MDGA2: variants seen among roughly 807,000 people sequenced by gnomAD.
MDGA2 encodes MAM domain containing glycosylphosphatidylinositol anchor 2.
MDGA2 carries 40 observed loss-of-function variants against 117.8 expected under a neutral mutation model. The observed-to-expected ratio is 0.34, with a 90% CI of 0.26 to 0.44. The LOEUF (loss-of-function observed/expected upper bound fraction) is 0.44, where lower values mean the gene tolerates loss of function less well. Ranked by LOEUF, MDGA2 falls within the 20% of genes least tolerant of loss-of-function variation. MDGA2 has a pLI of 1.00. For synonymous variants in MDGA2, 452 were observed against 439.0 expected (o/e 1.03, Z -0.37); for missense variants, 1,123 against 1,250.6 (o/e 0.90, Z 1.54).
chr14:46,975,476 G>T (rs1886420673), intron 8 of MDGA2, among the ~76,000 whole-genome samples: 1 of 152,064 alleles, frequency 6.6e-6, no homozygotes, highest in South Asian at 2.1e-4. Flanking sequence ...TAAGCAAAAT[G>T]AGGTCTATGC....
intron 2 of MDGA2, among the ~76,000 whole-genome samples, chr14:47,297,552 A>G (rs1889120427): frequency 6.6e-6 from 1 of 151,606 alleles, no homozygotes; most frequent in South Asian, 2.1e-4. Flanking sequence ...AGGGAAGGAA[A>G]GAAAAAGGGT....
At chr14:46,867,060 A>G (rs1457108809) in intron 14 of MDGA2, among the ~76,000 whole-genome samples, 1 of 152,182 alleles carries the variant, frequency 6.6e-6, no homozygotes, top group Non-Finnish European at 1.5e-5. Flanking sequence ...TCAAAGGACT[A>G]TAAATCATGC....
chr14:47,565,890 G>A (rs893869428), intron 1 of MDGA2, among the ~76,000 whole-genome samples: 19 of 152,170 alleles, frequency 1.2e-4, no homozygotes, highest in African/African-American at 2.9e-4. Context: ...ATGGGGGTGC[G>A]GATGTCCTTG....
At chr14:46,928,606 A>G (rs1884420794) in intron 9 of MDGA2, among the ~76,000 whole-genome samples, 1 of 152,124 alleles carries the variant, frequency 6.6e-6, no homozygotes, top group Non-Finnish European at 1.5e-5. Flanking sequence ...CTTTCTAGTG[A>G]CTCAGCATGC....
chr14:47,565,841 G>T (rs1895907209), intron 1 of MDGA2, among the ~76,000 whole-genome samples: 1 of 152,206 alleles, frequency 6.6e-6, no homozygotes, highest in African/African-American at 2.4e-5. Flanking sequence ...TTTCTGTCCA[G>T]GTGTTCGTGC....
chr14:46,874,267 G>T, intron 12 of MDGA2, 67 bp from the exon 13 acceptor site: 1 of 805,732 alleles, frequency 1.2e-6, no homozygotes, highest in East Asian at 3.4e-5. Flanking sequence ...ATTTTCATAA[G>T]AAAAATGTAA....
chr14:47,173,418 A>G (rs1156982270), intron 3 of MDGA2, among the ~76,000 whole-genome samples: 5 of 152,228 alleles, frequency 3.3e-5, no homozygotes, highest in Admixed American at 3.3e-4. Flanking sequence ...GGTTACCCAC[A>G]AAGGGAAGCA....
intron 9 of MDGA2, among the ~76,000 whole-genome samples, chr14:46,931,635 G>A (rs140366869): frequency 0.071 from 10,450 of 148,216 alleles, 596 homozygotes; most frequent in African/African-American, 0.15. Context: ...TGATTCTCCT[G>A]CCTCAGCCTC....
intron 1 of MDGA2, among the ~76,000 whole-genome samples, chr14:47,467,786 G>T (rs761251472): frequency 1.1e-4 from 16 of 152,054 alleles, no homozygotes; most frequent in South Asian, 4.1e-4. Flanking sequence ...GTGCATTTTT[G>T]ATGCCAATAT....
At chr14:47,486,664 C>T (rs534475519) in intron 1 of MDGA2, among the ~76,000 whole-genome samples, 9 of 152,128 alleles carry the variant, frequency 5.9e-5, no homozygotes, top group East Asian at 3.9e-4. Context: ...ACTGAATCAT[C>T]GGGGCAGGTC....
chr14:47,192,181 A>G (rs1885138589), intron 3 of MDGA2, among the ~76,000 whole-genome samples: 1 of 152,180 alleles, frequency 6.6e-6, no homozygotes, highest in Non-Finnish European at 1.5e-5. Context: ...AAGAAGAGAA[A>G]CAATTGCTTT....
At chr14:47,453,581 T>C (rs1231739752) in intron 1 of MDGA2, among the ~76,000 whole-genome samples, 1 of 152,160 alleles carries the variant, frequency 6.6e-6, no homozygotes, top group African/African-American at 2.4e-5. Context: ...ATTTCTTACC[T>C]CCTGATCAGA....
intron 1 of MDGA2, among the ~76,000 whole-genome samples, chr14:47,487,517 T>C (rs1894085409): frequency 6.6e-6 from 1 of 152,188 alleles, no homozygotes; most frequent in African/African-American, 2.4e-5. Context: ...AAATGAAAAC[T>C]TTCATTATCA....
At chr14:47,116,079 A>C (rs1958101) in intron 5 of MDGA2, among the ~76,000 whole-genome samples, 60,200 of 151,894 alleles carry the variant, frequency 0.4, 12,103 homozygotes, top group South Asian at 0.55. Flanking sequence ...GCAGGATACA[A>C]AATAAATGTA....
At chr14:47,306,050 C>T (rs1285858399) in intron 1 of MDGA2, 1 of 152,078 alleles carries the variant, frequency 6.6e-6, no homozygotes, top group Non-Finnish European at 1.5e-5. Flanking sequence ...AAAATGTATC[C>T]CCTGTAGTTT....
At chr14:47,269,874 G>T (rs918852518) in intron 2 of MDGA2, among the ~76,000 whole-genome samples, 32 of 152,238 alleles carry the variant, frequency 2.1e-4, no homozygotes, top group African/African-American at 7.0e-4. Flanking sequence ...AGAGACTGAT[G>T]AAATAAAGTC....
At chr14:46,912,875 G>T (rs1365264087) in intron 10 of MDGA2, among the ~76,000 whole-genome samples, 2 of 152,128 alleles carry the variant, frequency 1.3e-5, no homozygotes, top group African/African-American at 2.4e-5. Context: ...TTGTAGGAAT[G>T]AAGCAGATAT....
At chr14:46,875,513 C>T (rs1401796387) in intron 12 of MDGA2, among the ~76,000 whole-genome samples, 1 of 151,458 alleles carries the variant, frequency 6.6e-6, no homozygotes, top group Non-Finnish European at 1.5e-5. Context: ...CAATAAATTT[C>T]TGAATAAACA....
intron 1 of MDGA2, among the ~76,000 whole-genome samples, chr14:47,657,552 T>C (rs1473704561): frequency 2.0e-5 from 3 of 152,176 alleles, no homozygotes; most frequent in African/African-American, 4.8e-5. Context: ...TGGTAGAAAT[T>C]GAGTACAATG....
Sources: gnomAD v4.1 joint callset for allele counts (sites outside exome capture counted in the v4.1 genomes callset) on GRCh38, gnomAD v4.1.1 for gene constraint, MANE v1.5 for transcripts, NCBI Gene and HGNC (gene_info 2026-07-23, HGNC 2026-07-21) for gene names.